GALNTL6: variants seen among roughly 807,000 people sequenced by gnomAD.
The protein encoded by GALNTL6 is polypeptide N-acetylgalactosaminyltransferase-like 6.
Under a neutral mutation model 73.7 loss-of-function variants are expected in GALNTL6, and 46 were observed. The ratio of observed to expected loss-of-function variants is 0.62; its 90% CI spans 0.49 to 0.80. The LOEUF (loss-of-function observed/expected upper bound fraction) is 0.80, where lower values mean the gene tolerates loss of function less well. Ranked by LOEUF, GALNTL6 falls within the 30% of genes least tolerant of loss-of-function variation. The pLI is 0.00. For missense variants in GALNTL6, 604 were observed against 755.0 expected (o/e 0.80, Z 2.34); for synonymous variants, 259 against 263.7 (o/e 0.98, Z 0.17).
chr4:171,879,289 A>G (rs1374630050), intron 2 of GALNTL6, among the ~76,000 whole-genome samples: 1 of 152,186 alleles, frequency 6.6e-6, no homozygotes, highest in African/African-American at 2.4e-5. Context: ...AGTGAAAGAA[A>G]AAGTTTACCC....
chr4:171,815,047 G>A, intron 2 of GALNTL6: 1 of 427,654 alleles, frequency 2.3e-6, no homozygotes, highest in Non-Finnish European at 4.1e-6. Context: ...AGTGGGTTTG[G>A]TGCAAGTTTA....
intron 2 of GALNTL6, among the ~76,000 whole-genome samples, chr4:171,908,628 G>T (rs1001134087): frequency 6.6e-6 from 1 of 151,008 alleles, no homozygotes; most frequent in Non-Finnish European, 1.5e-5. Context: ...ATTTGACCCA[G>T]CCATCCCATT....
Position 172,134,465 on chromosome 4 carries a change from T to C in GALNTL6, c.139-95191T>C, listed in dbSNP as rs371803159. ...TGGTTTATTCATCTTAATGACCTACTGGATAAAGATATAAGAAAAATAGGA... is the reference window on the plus strand; with the variant it reads ...TGGTTTATTCATCTTAATGACCTACCGGATAAAGATATAAGAAAAATAGGA... On this transcript the variant is annotated intron_variant, in intron 2 of 12. Transcript: ENST00000506823. 1.4e-4 allele frequency among the ~76,000 whole-genome samples: 22 copies of C among 152,096 alleles called. No homozygotes were observed. The East Asian group carries it at 4.1e-3, about 28-fold the overall frequency.
intron 7 of GALNTL6, among the ~76,000 whole-genome samples, chr4:172,817,613 G>T (rs1053883394): frequency 1.4e-4 from 22 of 152,118 alleles, no homozygotes; most frequent in African/African-American, 4.8e-4. Context: ...AGCAATGAAA[G>T]ACTTTTCTGT....
chr4:172,746,493 T>C (rs1415563341), intron 5 of GALNTL6, among the ~76,000 whole-genome samples: 1 of 152,082 alleles, frequency 6.6e-6, no homozygotes, highest in Non-Finnish European at 1.5e-5. Flanking sequence ...AGCCTTTTTC[T>C]CAATGTTTCT....
chr4:172,571,734 G>A (rs1196939810), intron 5 of GALNTL6, among the ~76,000 whole-genome samples: 1 of 152,152 alleles, frequency 6.6e-6, no homozygotes, highest in South Asian at 2.1e-4. Flanking sequence ...AAATTATGAA[G>A]CCCTACTTTA....
chr4:172,830,389 G>A (rs575075194), intron 7 of GALNTL6, among the ~76,000 whole-genome samples: 26 of 152,288 alleles, frequency 1.7e-4, no homozygotes, highest in Admixed American at 1.3e-3. Flanking sequence ...GCTGAAGTGA[G>A]CCTAAAATAT....
rs145269917 is a variant in GALNTL6, at chr4:172,739,091, C to T, written c.554-70270C>T. 1.2e-3 allele frequency among the ~76,000 whole-genome samples: 187 copies of T among 152,298 alleles called. 1 individual carries two copies. Among genetic ancestry groups the T allele is most frequent in the African/African-American group, 4.3e-3 (177 of 41,562 alleles). ...TATAGTGAGGCATATCCCACCCCCACTTCCATCATGGCTTGAAACAGTGTT... is the reference window on the plus strand; with the variant it reads ...TATAGTGAGGCATATCCCACCCCCATTTCCATCATGGCTTGAAACAGTGTT... On this transcript the variant is annotated intron_variant, in intron 5 of 12. Transcript: ENST00000506823.
intron 5 of GALNTL6, among the ~76,000 whole-genome samples, chr4:172,729,363 G>A (rs1392864219): frequency 6.6e-6 from 1 of 152,070 alleles, no homozygotes; most frequent in African/African-American, 2.4e-5. Context: ...ATAGTTTCTG[G>A]TCTTAGATTC....
intron 2 of GALNTL6, among the ~76,000 whole-genome samples, chr4:172,015,343 C>T (rs966168957): frequency 8.6e-5 from 13 of 151,976 alleles, no homozygotes; most frequent in Non-Finnish European, 1.6e-4. Context: ...AGGTATCTTT[C>T]ATGTGATATA....
At chr4:172,094,892 AT>A (rs199991522) in intron 2 of GALNTL6, among the ~76,000 whole-genome samples, 13 of 148,770 alleles carry the variant, frequency 8.7e-5, no homozygotes, top group African/African-American at 2.0e-4. Context: ...CTATATCTTG[AT>A]TTTTTTTTGC....
intron 12 of GALNTL6, among the ~76,000 whole-genome samples, chr4:173,028,667 GT>G (rs1358766112): frequency 5.9e-5 from 9 of 152,232 alleles, no homozygotes; most frequent in Admixed American, 5.2e-4. Context: ...AGAACCACTA[GT>G]TCAATTATTG....
At chr4:172,894,258 G>A (rs1746204430) in intron 8 of GALNTL6, among the ~76,000 whole-genome samples, 1 of 151,814 alleles carries the variant, frequency 6.6e-6, no homozygotes, top group African/African-American at 2.4e-5. Flanking sequence ...GTTTGTTCTT[G>A]CTTTTCTTGA....
chr4:172,695,810 G>A (rs190272249), intron 5 of GALNTL6, among the ~76,000 whole-genome samples: 92 of 152,114 alleles, frequency 6.0e-4, no homozygotes, highest in East Asian at 3.3e-3. Context: ...AAAATTAGCC[G>A]GGCATGGTGG....
intron 2 of GALNTL6, among the ~76,000 whole-genome samples, chr4:171,858,747 T>C (rs761979307): frequency 3.2e-4 from 48 of 152,216 alleles, no homozygotes; most frequent in South Asian, 8.3e-4. Flanking sequence ...TTCAAAAGCA[T>C]AAAAGGAATG....
rs577657623 is a variant in GALNTL6 at position 172,720,450 on chromosome 4, G to A, written c.554-88911G>A. Reference sequence around the variant, plus strand: ...AACTTCCCGAGGCTCCACCTCAGTGGGCAAGCTAGTTAGTTTCTCCAGGTT... The same window carrying A: ...AACTTCCCGAGGCTCCACCTCAGTGAGCAAGCTAGTTAGTTTCTCCAGGTT... On this transcript the variant is annotated intron_variant, in intron 5 of 12. Transcript: ENST00000506823. Among the ~76,000 whole-genome samples the A allele has an allele frequency of 6.7e-4, 102 of 152,202 alleles. 1 individual carries two copies. The highest frequency in any genetic ancestry group is 2.5e-3 in the African/African-American group (102 of 41,526).
intron 7 of GALNTL6, among the ~76,000 whole-genome samples, chr4:172,870,573 G>C (rs1040068671): frequency 6.6e-6 from 1 of 152,136 alleles, no homozygotes; most frequent in Non-Finnish European, 1.5e-5. Flanking sequence ...TCTTTTATGA[G>C]GAATAGTTTT....
intron 2 of GALNTL6, among the ~76,000 whole-genome samples, chr4:172,210,795 T>A (rs1736299221): frequency 6.6e-6 from 1 of 152,196 alleles, no homozygotes. Flanking sequence ...GTGGAATATG[T>A]ACATAATTAA....
At chr4:172,055,870 G>A (rs1242259647) in intron 2 of GALNTL6, among the ~76,000 whole-genome samples, 1 of 152,136 alleles carries the variant, frequency 6.6e-6, no homozygotes, top group Non-Finnish European at 1.5e-5. Flanking sequence ...AGCCCACTCA[G>A]GGTTTATTAA....
Sources: allele counts gnomAD v4.1 joint callset (sites outside exome capture counted in the v4.1 genomes callset), GRCh38; gene constraint gnomAD v4.1.1; transcripts MANE v1.5; gene names NCBI Gene and HGNC (gene_info 2026-07-23, HGNC 2026-07-21).